The following MYRFL variants were observed in gnomAD, a reference collection of about 807,000 sequenced individuals.
MYRFL encodes myelin regulatory factor like, also known as myelin regulatory factor-like protein.
MYRFL carries 88 observed loss-of-function variants against 109.4 expected under a neutral mutation model. The observed-to-expected ratio is 0.80, with a 90% CI of 0.68 to 0.96. The LOEUF (loss-of-function observed/expected upper bound fraction) is 0.96. Among genes scored for constraint, MYRFL ranks in the 40% least tolerant of loss-of-function variants. The pLI, the probability that MYRFL is intolerant of heterozygous loss-of-function variation, is 0.00. For synonymous variants in MYRFL, 324 were observed against 320.9 expected, an observed-to-expected ratio of 1.01 and a Z score of -0.10; for missense variants, 957 against 954.9, an observed-to-expected ratio of 1.00 and a Z score of -0.03.
At chr12:69,937,991 TC>T (rs2120491363) in intron 19 of MYRFL, among the ~76,000 whole-genome samples, 1 of 151,928 alleles carries the variant, frequency 6.6e-6, no homozygotes, top group South Asian at 2.1e-4. Flanking sequence ...AATTTTTTTT[TC>T]CAGTGGGGAA....
In MYRFL at chr12:69,907,934, C is replaced by T. The variant is rs562848843; in HGVS notation, c.1384-2035C>T. Among the ~76,000 whole-genome samples the T allele has an allele frequency of 7.9e-5, 12 of 152,254 alleles. No homozygotes were observed. In the South Asian group the frequency reaches 1.2e-3, roughly 16 times the overall value. ...AGGGCTATATGAGATTGTGACTGTT[C>T]CTTCCAAGTATGACCTGCAAGGCCC... On this transcript the variant is annotated intron_variant, in intron 11 of 24. Transcript: ENST00000552032.
chr12:69,958,633 TTTA>T lies in MYRFL; in HGVS notation c.*103_*105del. 2 of 851,028 alleles carry T rather than the reference TTTA, an allele frequency of 2.4e-6. No homozygotes were observed. The highest frequency in any genetic ancestry group is 3.6e-6 in the Non-Finnish European group (2 of 562,700). 52.7% of individuals were successfully genotyped at this position (851,028 alleles called of 1,614,324 possible). ...CTTCTTTTTTCTTCTTTGTAAAACA[TTTA>T]CGTTTATTGCTGAAGGACTTTTTCA... On this transcript the variant is annotated 3_prime_UTR_variant, in exon 25 of 25. Coordinates refer to ENST00000552032, the MANE Select transcript of MYRFL (RefSeq NM_182530.3).
intron 10 of MYRFL, among the ~76,000 whole-genome samples, chr12:69,899,036 G>A (rs1481836667): frequency 6.6e-6 from 1 of 152,172 alleles, no homozygotes; most frequent in African/African-American, 2.4e-5. Context: ...ACTCAGCATA[G>A]TTTGGGTGTC....
chr12:69,880,949 C>CCGTT (rs1379691821), intron 5 of MYRFL, among the ~76,000 whole-genome samples: 2 of 30,244 alleles, frequency 6.6e-5, no homozygotes, highest in African/African-American at 9.4e-5. Context: ...GTCAGCCTTC[C>CCGTT]TGTTTTTTTT....
At position 69,895,375 on chromosome 12, in the gene MYRFL, G is replaced by A; in HGVS notation, c.985G>A (p.Asp329Asn). 6.6e-7 allele frequency: 1 copy of A among 1,507,302 alleles called. No homozygotes were observed. The highest frequency in any genetic ancestry group is 8.9e-7 in the Non-Finnish European group (1 of 1,125,114). The allele number at this position is 1,507,302 out of a possible 1,614,324, so 93.4% of individuals were successfully genotyped here. The change falls in exon 9 of 25, where the codon GAC becomes AAC. Residue 329 changes from aspartate (D) to asparagine (N), a missense_variant. Coordinates refer to ENST00000552032, the MANE Select transcript of MYRFL (RefSeq NM_182530.3). Reference protein sequence around the residue: ...SKKIFNPVKIDLLADQVTKVT... With the variant: ...SKKIFNPVKINLLADQVTKVT... ...TTTTTTTGCTGTTTGTTTTAGAATTGACCTACTGGCTGACCAGGTCACCAA... is the reference window on the plus strand; with the variant it reads ...TTTTTTTGCTGTTTGTTTTAGAATTAACCTACTGGCTGACCAGGTCACCAA...
At chr12:69,929,472 T>TA (rs1475275920) in intron 15 of MYRFL, among the ~76,000 whole-genome samples, 5 of 152,160 alleles carry the variant, frequency 3.3e-5, no homozygotes, top group South Asian at 4.1e-4. Flanking sequence ...TGGCTAGACA[T>TA]CAATGAAATT....
intron 1 of MYRFL, among the ~76,000 whole-genome samples, chr12:69,843,978 C>T (rs192602403): frequency 5.3e-5 from 8 of 152,316 alleles, no homozygotes; most frequent in Admixed American, 3.9e-4. Flanking sequence ...GCCCTCTTGG[C>T]AGGCTTGGGT....
At chr12:69,884,758 A>G (rs1886341395) in intron 5 of MYRFL, among the ~76,000 whole-genome samples, 2 of 152,248 alleles carry the variant, frequency 1.3e-5, no homozygotes, top group Non-Finnish European at 2.9e-5. Flanking sequence ...CAGTGCCACT[A>G]GTAATAGCTG....
At chr12:69,884,332 G>A (rs1215469035) in intron 5 of MYRFL, among the ~76,000 whole-genome samples, 1 of 152,198 alleles carries the variant, frequency 6.6e-6, no homozygotes, top group Non-Finnish European at 1.5e-5. Context: ...GGGTTTCAGT[G>A]TGGGCCTGTA....
chr12:69,873,687 G>A (rs1295612903), intron 2 of MYRFL, among the ~76,000 whole-genome samples: 1 of 152,146 alleles, frequency 6.6e-6, no homozygotes, highest in Non-Finnish European at 1.5e-5. Flanking sequence ...AGAATGGAGT[G>A]CAATTTAAAA....
At chr12:69,881,530 C>G (rs915408211) in intron 5 of MYRFL, among the ~76,000 whole-genome samples, 2 of 152,190 alleles carry the variant, frequency 1.3e-5, no homozygotes, top group Admixed American at 6.5e-5. Flanking sequence ...TTTGACAGCC[C>G]CATGGTAAGA....
intron 2 of MYRFL, among the ~76,000 whole-genome samples, chr12:69,864,351 T>A (rs1884881935): frequency 6.6e-6 from 1 of 152,052 alleles, no homozygotes; most frequent in African/African-American, 2.4e-5. Flanking sequence ...ATCTTTTTTC[T>A]CTCTGTTGGT....
At chr12:69,868,559 A>C (rs780955973) in intron 2 of MYRFL, among the ~76,000 whole-genome samples, 1 of 152,112 alleles carries the variant, frequency 6.6e-6, no homozygotes, top group African/African-American at 2.4e-5. Flanking sequence ...TCTACATCTA[A>C]AGCAGCAGCG....
At chr12:69,955,555 C>A (rs947396401) in intron 22 of MYRFL, 118 bp downstream of exon 22, 63 of 481,898 alleles carry the variant, frequency 1.3e-4, no homozygotes, top group Non-Finnish European at 2.0e-4. Flanking sequence ...TTTGTGTTAA[C>A]TAATGATGGT....
At chr12:69,916,717 CTCTT>C (rs1357280410) in intron 13 of MYRFL, among the ~76,000 whole-genome samples, 1 of 152,152 alleles carries the variant, frequency 6.6e-6, no homozygotes, top group East Asian at 1.9e-4. Context: ...ATGGAGTCTT[CTCTT>C]TCTAACTCGT....
intron 1 of MYRFL, among the ~76,000 whole-genome samples, chr12:69,846,500 T>C (rs1361066937): frequency 6.6e-6 from 1 of 152,090 alleles, no homozygotes; most frequent in African/African-American, 2.4e-5. Context: ...TCCAATTTCA[T>C]CCATGTCCCT....
In MYRFL at chr12:69,932,865, GTGTGTGTGTGTGTGTGTT is replaced by G. The variant is rs1209777264; in HGVS notation, c.1916+285_1916+302del. 2.0e-5 allele frequency among the ~76,000 whole-genome samples: 3 copies of G among 150,098 alleles called. No homozygotes were observed. In the East Asian group the frequency reaches 5.8e-4, roughly 29 times the overall value. ...TTTAGCAGCAAACTGTGCCTTTCGT[GTGTGTGTGTGTGTGTGTT>G]TGTGTGTGTGTGTGTGTATGTGTGT... is the stretch of plus-strand genomic sequence containing the variant. On this transcript the variant is annotated intron_variant, in intron 16 of 24. Coordinates refer to ENST00000552032, the MANE Select transcript of MYRFL (RefSeq NM_182530.3).
intron 8 of MYRFL, among the ~76,000 whole-genome samples, chr12:69,894,127 G>A (rs1887081113): frequency 6.6e-6 from 1 of 150,814 alleles, no homozygotes; most frequent in African/African-American, 2.4e-5. Context: ...CTCCAGAGTA[G>A]CTGGGATTAC....
chr12:69,883,901 C>T lies in MYRFL; in HGVS notation c.557-2919C>T, dbSNP rs186311326. ...AAAAAGAAAAAAAAAGAGGCCAGCC[C>T]AGCATACAAGAGTATATATTACATC... On this transcript the variant is annotated intron_variant, in intron 5 of 24. Coordinates refer to ENST00000552032, the MANE Select transcript of MYRFL (RefSeq NM_182530.3). 4.6e-5 allele frequency among the ~76,000 whole-genome samples: 7 copies of T among 151,978 alleles called. No individual in the cohort carries two copies. The East Asian group carries it at 1.4e-3, about 29-fold the overall frequency.
Sources: gnomAD v4.1 joint callset for allele counts (sites outside exome capture counted in the v4.1 genomes callset) on GRCh38, gnomAD v4.1.1 for gene constraint, MANE v1.5 for transcripts, NCBI Gene and HGNC (gene_info 2026-07-23, HGNC 2026-07-21) for gene names.